The following AFAP1L1 variants were observed in gnomAD, a reference collection of about 807,000 sequenced individuals.
The protein encoded by AFAP1L1 is actin filament associated protein 1 like 1.
Under a neutral mutation model 99.8 loss-of-function variants are expected in AFAP1L1, and 77 were observed. The ratio of observed to expected loss-of-function variants is 0.77; its 90% CI spans 0.64 to 0.93. AFAP1L1 has a LOEUF of 0.93. Among genes scored for constraint, AFAP1L1 ranks in the 40% least tolerant of loss-of-function variants. The pLI is 0.00. For missense variants in AFAP1L1, 893 were observed against 996.8 expected (o/e 0.90, Z 1.40); for synonymous variants, 373 against 395.3 (o/e 0.94, Z 0.67).
chr5:149,293,122 C>T (rs1305951792), intron 1 of AFAP1L1, among the ~76,000 whole-genome samples: 1 of 152,194 alleles, frequency 6.6e-6, no homozygotes, highest in Admixed American at 6.5e-5. Context: ...CCTACCACTT[C>T]CCCTGAAACT....
intron 7 of AFAP1L1, among the ~76,000 whole-genome samples, chr5:149,307,856 C>CTCTCTT (rs1310196130): frequency 1.3e-4 from 20 of 149,014 alleles, no homozygotes; most frequent in African/African-American, 5.0e-4. Flanking sequence ...CTCTCTCTCT[C>CTCTCTT]TTAAATTTAA....
At chr5:149,298,329 A>G (rs1349866541) in intron 1 of AFAP1L1, among the ~76,000 whole-genome samples, 1 of 152,176 alleles carries the variant, frequency 6.6e-6, no homozygotes, top group African/African-American at 2.4e-5. Flanking sequence ...AGGGGTGATC[A>G]TGGGACCTAC....
chr5:149,315,755 A>G lies in AFAP1L1; in HGVS notation c.1021-66A>G, dbSNP rs184141859. ...GGGGAGTTGGAGGGAGATTGAACCA[A>G]TAAAGGGAAATTTGGGTACTTCTGA... is the stretch of plus-strand genomic sequence containing the variant. On this transcript the variant is annotated intron_variant, in intron 9 of 18. Transcript: ENST00000296721. 1,339 of 1,405,398 alleles carry G rather than the reference A, an allele frequency of 9.5e-4. 1 individual carries two copies. The highest frequency in any genetic ancestry group is 1.2e-3 in the Non-Finnish European group (1,226 of 996,558). The allele number at this position is 1,405,398 out of a possible 1,614,324, so 87.1% of individuals were successfully genotyped here. A position where few individuals can be genotyped will look rare whatever the true frequency, so the allele number is the denominator to read the frequency against.
chr5:149,302,856 C>A (rs1439689549), intron 5 of AFAP1L1, among the ~76,000 whole-genome samples: 1 of 152,168 alleles, frequency 6.6e-6, no homozygotes, highest in African/African-American at 2.4e-5. Flanking sequence ...TGCTAGGAGG[C>A]AGCTACACAG....
chr5:149,332,023 T>C (rs1757271384), intron 16 of AFAP1L1, among the ~76,000 whole-genome samples: 2 of 151,780 alleles, frequency 1.3e-5, no homozygotes, highest in Non-Finnish European at 1.5e-5. Flanking sequence ...AGAAGATGAG[T>C]TGTGATTATG....
intron 1 of AFAP1L1, among the ~76,000 whole-genome samples, chr5:149,280,248 C>A (rs561725027): frequency 6.6e-6 from 1 of 152,314 alleles, no homozygotes; most frequent in East Asian, 1.9e-4. Flanking sequence ...ATCCTGTTGA[C>A]TATTATTGGG....
At chr5:149,279,531 T>G (rs572620685) in intron 1 of AFAP1L1, among the ~76,000 whole-genome samples, 73 of 152,358 alleles carry the variant, frequency 4.8e-4, no homozygotes, top group Admixed American at 1.5e-3. Context: ...ATAGGACTTA[T>G]GAATTATCTA....
At chr5:149,299,487 GC>G in intron 1 of AFAP1L1, 21 bp from the exon 2 acceptor site, 3 of 1,613,496 alleles carry the variant, frequency 1.9e-6, no homozygotes, top group Non-Finnish European at 2.5e-6. Flanking sequence ...CTGTGACTGT[GC>G]CCGTCTGCCT....
chr5:149,339,178 CTTTTTT>C (rs35468603), intron 18 of AFAP1L1, among the ~76,000 whole-genome samples: 1 of 126,144 alleles, frequency 7.9e-6, no homozygotes, highest in Non-Finnish European at 1.7e-5. Context: ...CCCAATAAAG[CTTTTTT>C]TTTTTTTTTT....
In AFAP1L1 at chr5:149,320,365, T is replaced by C; in HGVS notation, c.1626-26T>C. On this transcript the variant is annotated intron_variant, in intron 13 of 18. Transcript: ENST00000296721. This position sits in a 1 kb window ranked among gnomAD's most constrained non-coding sequence, Gnocchi z 4.0. ...CTGCAAAGCATCATTGTCATTGTCA[T>C]TGTCATCGTACATTTTATTTTCTAG... 4 of 1,610,526 alleles carry C rather than the reference T, an allele frequency of 2.5e-6. No homozygotes were observed. Among genetic ancestry groups the C allele is most frequent in the Middle Eastern group, 1.7e-4 (1 of 6,056 alleles).
chr5:149,319,372 G>A (rs1756888426), intron 12 of AFAP1L1, among the ~76,000 whole-genome samples: 1 of 152,178 alleles, frequency 6.6e-6, no homozygotes, highest in African/African-American at 2.4e-5. Context: ...GCCTCCCTGA[G>A]GAGGTGACAT....
rs367692683 is a variant in AFAP1L1, at chr5:149,332,723, C to T, written c.2004C>T (p.Ala668=). 19 of 1,613,558 alleles carry T rather than the reference C, an allele frequency of 1.2e-5. No homozygotes were observed. In the Middle Eastern group the frequency reaches 5.1e-4, roughly 43 times the overall value. ...PGAKLKALEE[A]VATLEAQCRA... The stretch of plus-strand genomic sequence containing the variant: ...CAAAATTAAAGGCTCTGGAAGAAGC[C>T]GTGGCCACCCTGGAAGCTCAGTGTC... The change falls in exon 17 of 19, where the codon GCC becomes GCT. Residue 668 remains alanine, a synonymous_variant. Coordinates refer to ENST00000296721, the MANE Select transcript of AFAP1L1 (RefSeq NM_152406.4).
At position 149,320,572 on chromosome 5, in the gene AFAP1L1, G is replaced by A. The variant is rs1365319077; in HGVS notation, c.1698+109G>A. 2.9e-6 allele frequency: 3 copies of A among 1,025,080 alleles called. No homozygotes were observed. Among genetic ancestry groups the A allele is most frequent in the Admixed American group, 4.1e-5 (2 of 48,662 alleles). 63.5% of individuals were successfully genotyped at this position (1,025,080 alleles called of 1,614,324 possible). ...CAGAAAGATCATTTTCATTTAAGCA[G>A]CAGTAGCTAGAAGGGGAGCCCCTTC... is the stretch of plus-strand genomic sequence containing the variant. On this transcript the variant is annotated intron_variant, in intron 14 of 18. Transcript: ENST00000296721. This position sits in a 1 kb window ranked among gnomAD's most constrained non-coding sequence, Gnocchi z 4.0.
At chr5:149,284,940 G>A (rs1468528996) in intron 1 of AFAP1L1, among the ~76,000 whole-genome samples, 2 of 152,220 alleles carry the variant, frequency 1.3e-5, no homozygotes, top group African/African-American at 4.8e-5. Flanking sequence ...TCTCCACTTT[G>A]AGTTAGGGTT....
In AFAP1L1 at chr5:149,312,155, T is replaced by C. The variant is rs1581323580; in HGVS notation, c.971T>C (p.Val324Ala). The change falls in exon 9 of 19, where the codon GTG (valine) becomes GCG (alanine). Residue 324 changes from valine to alanine, a missense_variant. Val to Ala is a moderately conservative substitution (Grantham distance 64, BLOSUM62 0). Transcript: ENST00000296721. ...VSKPVGGAEG[V>A]EVPRSPVLLC... is the part of the protein sequence containing the mutation. ...AAGCCAGTTGGGGGAGCTGAGGGAGTGGAGGTCCCCAGATCCCCAGTCCTC... is the reference window on the plus strand; with the variant it reads ...AAGCCAGTTGGGGGAGCTGAGGGAGCGGAGGTCCCCAGATCCCCAGTCCTC... 6.2e-7 allele frequency: 1 copy of C among 1,613,810 alleles called. No individual in the cohort carries two copies. Among genetic ancestry groups the C allele is most frequent in the East Asian group, 2.2e-5 (1 of 44,864 alleles).
chr5:149,316,055 G>A, intron 10 of AFAP1L1, 96 bp from the exon 11 acceptor site: 1 of 1,581,258 alleles, frequency 6.3e-7, no homozygotes, highest in Non-Finnish European at 8.7e-7. Context: ...GGAGCTGCAG[G>A]CCCATCCTGT....
intron 4 of AFAP1L1, 111 bp downstream of exon 4, chr5:149,301,341 G>A: frequency 1.1e-6 from 1 of 930,098 alleles, no homozygotes; most frequent in South Asian, 1.6e-5. Flanking sequence ...GGACCCTGTT[G>A]TCTCTCTCGG....
intron 1 of AFAP1L1, among the ~76,000 whole-genome samples, chr5:149,275,442 TTTC>T (rs201488006): frequency 1.7e-3 from 257 of 150,896 alleles, no homozygotes; most frequent in African/African-American, 4.9e-3. Context: ...ATCTCTGGTG[TTTC>T]TTCTTCTTCT....
chr5:149,318,893 G>T (rs1399915164), intron 12 of AFAP1L1, among the ~76,000 whole-genome samples: 1 of 152,126 alleles, frequency 6.6e-6, no homozygotes. Context: ...TCTTGGTCTT[G>T]TTTTCTGCCC....
Sources: allele counts gnomAD v4.1 joint callset (sites outside exome capture counted in the v4.1 genomes callset), GRCh38; gene constraint gnomAD v4.1.1; non-coding constraint Gnocchi (gnomAD v3.1); transcripts MANE v1.5; gene names NCBI Gene and HGNC (gene_info 2026-07-23, HGNC 2026-07-21).